EPHA6: variants seen among roughly 807,000 people sequenced by gnomAD.
The protein encoded by EPHA6 is ephrin type-A receptor 6.
In EPHA6, 50 loss-of-function variants were observed where a neutral mutation model predicts 112.0. The observed-to-expected ratio is 0.45, with a 90% CI of 0.36 to 0.56. EPHA6 has a LOEUF of 0.56. Ranked by LOEUF, EPHA6 falls within the 20% of genes least tolerant of loss-of-function variation. The pLI, the probability that EPHA6 is intolerant of heterozygous loss-of-function variation, is 0.00. For synonymous variants in EPHA6, 529 were observed against 490.7 expected (o/e 1.08, Z -1.03); for missense variants, 1,280 against 1,417.4 (o/e 0.90, Z 1.56).
At chr3:97,081,048 G>T (rs959959649) in intron 3 of EPHA6, among the ~76,000 whole-genome samples, 76 of 151,478 alleles carry the variant, frequency 5.0e-4, no homozygotes, top group Non-Finnish European at 6.6e-4. Flanking sequence ...CTATAGTTTT[G>T]TTTAGTTTTG....
chr3:97,116,212 T>C (rs938587538), intron 3 of EPHA6, among the ~76,000 whole-genome samples: 13 of 151,718 alleles, frequency 8.6e-5, no homozygotes, highest in African/African-American at 3.1e-4. Flanking sequence ...ACTTCCTCCA[T>C]CTTTATTGAG....
chr3:97,636,257 T>A (rs1228609780), intron 13 of EPHA6, among the ~76,000 whole-genome samples: 1 of 152,128 alleles, frequency 6.6e-6, no homozygotes, highest in Non-Finnish European at 1.5e-5. Context: ...AACTTCAGTG[T>A]ACTTCATTTT....
chr3:96,921,245 T>C (rs951986469), intron 2 of EPHA6, among the ~76,000 whole-genome samples: 2 of 151,896 alleles, frequency 1.3e-5, no homozygotes, highest in African/African-American at 2.4e-5. Context: ...CAGTAAGTAC[T>C]TTTTTTTCAG....
intron 3 of EPHA6, among the ~76,000 whole-genome samples, chr3:97,191,534 A>C (rs141429709): frequency 6.6e-6 from 1 of 152,090 alleles, no homozygotes; most frequent in Non-Finnish European, 1.5e-5. Flanking sequence ...CAATGGTCTT[A>C]ATTTCTAGCT....
At chr3:97,062,727 T>C (rs2046060811) in intron 3 of EPHA6, among the ~76,000 whole-genome samples, 1 of 152,128 alleles carries the variant, frequency 6.6e-6, no homozygotes. Flanking sequence ...GTTCTCATTC[T>C]CTCTTGCCTG....
intron 11 of EPHA6, among the ~76,000 whole-genome samples, chr3:97,544,552 T>C (rs1002309059): frequency 6.6e-6 from 1 of 152,232 alleles, no homozygotes; most frequent in Non-Finnish European, 1.5e-5. Context: ...TCTAAAATTC[T>C]CTTTTTTTGT....
intron 2 of EPHA6, among the ~76,000 whole-genome samples, chr3:96,970,267 AAACAC>A (rs2042267149): frequency 6.9e-6 from 1 of 145,172 alleles, no homozygotes; most frequent in African/African-American, 2.7e-5. Flanking sequence ...ACACACACAC[AAACAC>A]ACACACACAC....
intron 3 of EPHA6, among the ~76,000 whole-genome samples, chr3:97,076,158 G>A (rs552076475): frequency 6.6e-6 from 1 of 152,198 alleles, no homozygotes; most frequent in East Asian, 1.9e-4. Context: ...TAATGAGGAA[G>A]GCATGTCAAA....
At chr3:97,690,656 C>T (rs557655472) in intron 14 of EPHA6, among the ~76,000 whole-genome samples, 15 of 152,012 alleles carry the variant, frequency 9.9e-5, no homozygotes, top group East Asian at 3.9e-4. Flanking sequence ...TTAGTAGAGA[C>T]GAGGTTTCGC....
intron 2 of EPHA6, among the ~76,000 whole-genome samples, chr3:96,977,109 A>G (rs1212995823): frequency 6.6e-6 from 1 of 152,178 alleles, no homozygotes; most frequent in Non-Finnish European, 1.5e-5. Flanking sequence ...CATGCTGCCT[A>G]GGGTCTTAGG....
chr3:97,225,273 A>G (rs1347782285), intron 3 of EPHA6, among the ~76,000 whole-genome samples: 2 of 152,182 alleles, frequency 1.3e-5, no homozygotes, highest in African/African-American at 4.8e-5. Context: ...CTAATTATTA[A>G]CAGACCTATC....
chr3:97,675,028 G>A (rs1462266675), intron 14 of EPHA6, among the ~76,000 whole-genome samples: 1 of 152,138 alleles, frequency 6.6e-6, no homozygotes, highest in African/African-American at 2.4e-5. Flanking sequence ...CATCTAAGGG[G>A]CCTATGCTTT....
intron 1 of EPHA6, among the ~76,000 whole-genome samples, chr3:96,827,735 G>A (rs576254849): frequency 5.3e-5 from 8 of 151,988 alleles, no homozygotes; most frequent in Non-Finnish European, 1.2e-4. Flanking sequence ...TCCCGAAATA[G>A]GAAAATATTT....
At chr3:97,176,210 G>A (rs2108439818) in intron 3 of EPHA6, among the ~76,000 whole-genome samples, 1 of 151,688 alleles carries the variant, frequency 6.6e-6, no homozygotes, top group African/African-American at 2.4e-5. Context: ...TGATTTATTT[G>A]CATATATTGA....
chr3:96,854,042 T>C (rs1283498791), intron 1 of EPHA6, among the ~76,000 whole-genome samples: 1 of 152,004 alleles, frequency 6.6e-6, no homozygotes, highest in African/African-American at 2.4e-5. Flanking sequence ...CTCTCAGTTA[T>C]GTGTATCTAG....
intron 15 of EPHA6, among the ~76,000 whole-genome samples, chr3:97,723,960 G>A (rs781473731): frequency 3.9e-5 from 6 of 152,100 alleles, no homozygotes; most frequent in African/African-American, 7.2e-5. Flanking sequence ...TTCCCTATCT[G>A]TCCTGCATTT....
chr3:97,450,549 G>A (rs2090491843), intron 7 of EPHA6, among the ~76,000 whole-genome samples: 2 of 152,016 alleles, frequency 1.3e-5, no homozygotes, highest in South Asian at 2.1e-4. Flanking sequence ...GTCATTTGGT[G>A]TAATATTAAC....
intron 11 of EPHA6, among the ~76,000 whole-genome samples, chr3:97,557,754 C>CCTGTGAAG (rs1224887676): frequency 6.6e-6 from 1 of 151,866 alleles, no homozygotes; most frequent in African/African-American, 2.4e-5. Flanking sequence ...TTCATACCTT[C>CCTGTGAAG]ACACAGGAGT....
chr3:96,893,131 T>C (rs2038072335), intron 2 of EPHA6, among the ~76,000 whole-genome samples: 2 of 152,146 alleles, frequency 1.3e-5, no homozygotes, highest in Admixed American at 6.5e-5. Flanking sequence ...GCATTACTCC[T>C]GTATTTGTGG....
Sources: allele counts gnomAD v4.1 joint callset (sites outside exome capture counted in the v4.1 genomes callset), GRCh38; gene constraint gnomAD v4.1.1; transcripts MANE v1.5; gene names NCBI Gene and HGNC (gene_info 2026-07-23, HGNC 2026-07-21).